EEPD1: variants seen among roughly 807,000 people sequenced by gnomAD.
The protein encoded by EEPD1 is endonuclease/exonuclease/phosphatase family domain containing 1, also known as endonuclease/exonuclease/phosphatase family domain-containing protein 1.
In EEPD1, 17 loss-of-function variants were observed where a neutral mutation model predicts 46.3. That is an observed-to-expected ratio of 0.37 (90% CI 0.25 to 0.55). The LOEUF is 0.55. Ranked by LOEUF, EEPD1 falls within the 20% of genes least tolerant of loss-of-function variation. The pLI is 0.83. For synonymous variants in EEPD1, 313 were observed against 315.6 expected (o/e 0.99, Z 0.09); for missense variants, 673 against 745.6 (o/e 0.90, Z 1.13).
At chr7:36,285,883 G>A (rs1051202683) in intron 5 of EEPD1, among the ~76,000 whole-genome samples, 26 of 152,132 alleles carry the variant, frequency 1.7e-4, no homozygotes, top group African/African-American at 6.0e-4. Context: ...TCACCCTGGG[G>A]GTATCTGTCA....
intron 3 of EEPD1, among the ~76,000 whole-genome samples, chr7:36,248,430 C>G (rs1786675973): frequency 6.6e-6 from 1 of 151,290 alleles, no homozygotes; most frequent in South Asian, 2.1e-4. Context: ...TGGTCTCAAA[C>G]TCCTGGCCTC....
chr7:36,212,403 A>G (rs1785950412), intron 2 of EEPD1, among the ~76,000 whole-genome samples: 1 of 151,606 alleles, frequency 6.6e-6, no homozygotes, highest in Non-Finnish European at 1.5e-5. Flanking sequence ...TGCATCCCAT[A>G]TATATGCAAA....
chr7:36,215,400 C>T (rs898480338), intron 2 of EEPD1, among the ~76,000 whole-genome samples: 2 of 152,220 alleles, frequency 1.3e-5, no homozygotes, highest in African/African-American at 4.8e-5. Flanking sequence ...TCAGTATGGA[C>T]ATCCAGCAGC....
At position 36,262,274 on chromosome 7, in the gene EEPD1, G is replaced by A. The variant is rs558858548; in HGVS notation, c.931-18841G>A. The stretch of plus-strand genomic sequence containing the variant: ...GAGGATTGCTTGACCCCAGGAGTTC[G>A]AGACCAGCCAGGGCAATGTAGTGTT... On this transcript the variant is annotated intron_variant, in intron 3 of 7. Coordinates refer to ENST00000242108, the MANE Select transcript of EEPD1 (RefSeq NM_030636.3). Among the ~76,000 whole-genome samples, 8 of 152,166 alleles carry A rather than the reference G, an allele frequency of 5.3e-5. No individual in the cohort carries two copies. The South Asian group carries it at 1.7e-3, about 32-fold the overall frequency.
rs144582231 is a variant in EEPD1 at position 36,189,466 on chromosome 7, A to T, written c.878+34264A>T. On this transcript the variant is annotated intron_variant, in intron 2 of 7. Coordinates refer to ENST00000242108, the MANE Select transcript of EEPD1 (RefSeq NM_030636.3). The stretch of plus-strand genomic sequence containing the variant: ...CATGTTAAGCTTCTTTATGTTATCC[A>T]TAGATACTAGTTTTCCTAAATCTTT... Among the ~76,000 whole-genome samples, 76 of 152,370 alleles carry T rather than the reference A, an allele frequency of 5.0e-4. No homozygotes were observed. The East Asian group carries it at 7.7e-3, about 15-fold the overall frequency.
intron 2 of EEPD1, among the ~76,000 whole-genome samples, chr7:36,175,630 C>T (rs111708289): frequency 0.019 from 2,859 of 151,994 alleles, 24 homozygotes; most frequent in Non-Finnish European, 0.03. Context: ...TTTTGTAGGA[C>T]GTTTAGTGAA....
intron 2 of EEPD1, among the ~76,000 whole-genome samples, chr7:36,216,386 A>T (rs554845160): frequency 6.6e-6 from 1 of 152,342 alleles, no homozygotes; most frequent in Non-Finnish European, 1.5e-5. Context: ...TTAGTGCTCA[A>T]GTAAATGTAA....
chr7:36,182,776 G>T (rs1426585174), intron 2 of EEPD1, among the ~76,000 whole-genome samples: 1 of 152,240 alleles, frequency 6.6e-6, no homozygotes, highest in African/African-American at 2.4e-5. Context: ...CTTCCTTTCA[G>T]TGATGGACAC....
chr7:36,297,144 G>T lies in EEPD1; in HGVS notation c.1467G>T (p.Leu489=). ...AGAACCCTCAAGGCTCGAAGTCTCT[G>T]GACAACATCTGGATCAGTAAAAGCT... ...STKNPQGSKS[L]DNIWISKSLK... is the part of the protein sequence containing the mutation. The change falls in exon 7 of 8, where the codon CTG becomes CTT. Residue 489 remains leucine (L), a synonymous_variant. Transcript: ENST00000242108. 3.1e-6 allele frequency: 5 copies of T among 1,614,170 alleles called. No homozygotes were observed. The highest frequency in any genetic ancestry group is 4.2e-6 in the Non-Finnish European group (5 of 1,180,030).
At chr7:36,188,344 C>T (rs994266820) in intron 2 of EEPD1, among the ~76,000 whole-genome samples, 1 of 152,144 alleles carries the variant, frequency 6.6e-6, no homozygotes, top group Admixed American at 6.5e-5. Context: ...GAAAGAGGCA[C>T]CTCCTCTTCT....
At chr7:36,180,045 C>T (rs1396195791) in intron 2 of EEPD1, among the ~76,000 whole-genome samples, 4 of 152,188 alleles carry the variant, frequency 2.6e-5, no homozygotes, top group Non-Finnish European at 5.9e-5. Flanking sequence ...TGAGCCGTGG[C>T]TCCCAGACAC....
intron 2 of EEPD1, among the ~76,000 whole-genome samples, chr7:36,189,408 A>G (rs1785422941): frequency 6.6e-6 from 1 of 152,256 alleles, no homozygotes. Context: ...TAAAACTAAC[A>G]TTATTATTAA....
chr7:36,164,549 C>A (rs1193928864), intron 2 of EEPD1, among the ~76,000 whole-genome samples: 1 of 152,182 alleles, frequency 6.6e-6, no homozygotes, highest in Non-Finnish European at 1.5e-5. Context: ...TACTGTTGTA[C>A]CCATGTTGTT....
At chr7:36,233,693 T>C (rs1426543494) in intron 2 of EEPD1, among the ~76,000 whole-genome samples, 1 of 152,056 alleles carries the variant, frequency 6.6e-6, no homozygotes, top group African/African-American at 2.4e-5. Context: ...TTGGAGGAGA[T>C]GGCACTCCCA....
intron 2 of EEPD1, among the ~76,000 whole-genome samples, chr7:36,236,490 C>T (rs1362084079): frequency 6.6e-6 from 1 of 152,222 alleles, no homozygotes; most frequent in South Asian, 2.1e-4. Flanking sequence ...CGTTTCCCCT[C>T]TTTTCCTCTT....
intron 3 of EEPD1, among the ~76,000 whole-genome samples, chr7:36,267,003 C>T (rs1178376113): frequency 3.3e-5 from 5 of 152,196 alleles, no homozygotes; most frequent in African/African-American, 9.6e-5. Context: ...TTTCCATCTT[C>T]GAGCTACTGG....
chr7:36,173,988 A>T (rs1195254444), intron 2 of EEPD1, among the ~76,000 whole-genome samples: 1 of 152,106 alleles, frequency 6.6e-6, no homozygotes, highest in Non-Finnish European at 1.5e-5. Context: ...GTGGCACCAA[A>T]AGCTGAGGGA....
intron 2 of EEPD1, chr7:36,230,753 A>C (rs1786310000): frequency 6.6e-6 from 1 of 152,196 alleles, no homozygotes; most frequent in East Asian, 1.9e-4. Flanking sequence ...CATTAGACTC[A>C]GATGTCTAGG....
Position 36,271,147 on chromosome 7 carries a change from C to T in EEPD1, c.931-9968C>T, listed in dbSNP as rs1035910812. Among the ~76,000 whole-genome samples the T allele has an allele frequency of 4.6e-5, 7 of 151,940 alleles. No homozygotes were observed. The East Asian group carries it at 7.7e-4, about 17-fold the overall frequency. ...GATTACAGGCGCCCGCCACCACGCC[C>T]GGCTAATTTTTTGTATTTTTAGTAG... On this transcript the variant is annotated intron_variant, in intron 3 of 7. Coordinates refer to ENST00000242108, the MANE Select transcript of EEPD1 (RefSeq NM_030636.3).
Sources: gnomAD v4.1 joint callset for allele counts (sites outside exome capture counted in the v4.1 genomes callset) on GRCh38, gnomAD v4.1.1 for gene constraint, MANE v1.5 for transcripts, NCBI Gene and HGNC (gene_info 2026-07-23, HGNC 2026-07-21) for gene names.